Variants in PDE4D observed in about 807,000 individuals in gnomAD.
PDE4D encodes the protein phosphodiesterase 4D.
PDE4D carries 24 observed loss-of-function variants against 87.4 expected under a neutral mutation model. That is an observed-to-expected ratio of 0.27 (90% CI 0.20 to 0.39). The LOEUF is 0.39. PDE4D is among the 10% of genes least tolerant of loss of function. The pLI, the probability that PDE4D is intolerant of heterozygous loss-of-function variation, is 1.00. For missense variants in PDE4D, 714 were observed against 1,041.0 expected, an observed-to-expected ratio of 0.69 and a Z score of 4.32; for synonymous variants, 384 against 383.2, an observed-to-expected ratio of 1.00 and a Z score of -0.02.
chr5:59,188,590 T>C (rs1743461125), intron 3 of PDE4D, among the ~76,000 whole-genome samples: 1 of 152,106 alleles, frequency 6.6e-6, no homozygotes, highest in African/African-American at 2.4e-5. Flanking sequence ...GAGGATTGTT[T>C]TTCATAACCA....
At position 60,087,387 on chromosome 5, in the gene PDE4D, C is replaced by T. The variant is rs553125064; in HGVS notation, c.42+98170G>A. On this transcript the variant is annotated intron_variant, in intron 2 of 16. Transcript: ENST00000502484. Reference sequence around the variant, plus strand: ...GGAAATATGACACCACTCAAAGAAACCAACAAAACTCCAACAATAGACACA... The same window carrying T: ...GGAAATATGACACCACTCAAAGAAATCAACAAAACTCCAACAATAGACACA... 4.6e-5 allele frequency among the ~76,000 whole-genome samples: 7 copies of T among 152,230 alleles called. No homozygotes were observed. In the South Asian group the frequency reaches 1.2e-3, roughly 27 times the overall value.
At chr5:60,103,649 G>T (rs1776495325) in intron 2 of PDE4D, among the ~76,000 whole-genome samples, 1 of 152,040 alleles carries the variant, frequency 6.6e-6, no homozygotes, top group Non-Finnish European at 1.5e-5. Context: ...ATAAACCGAA[G>T]ACAAAACAGA....
chr5:59,284,120 T>C lies in PDE4D; in HGVS notation c.456-68152A>G, dbSNP rs575656947. On this transcript the variant is annotated intron_variant, in intron 1 of 14. Coordinates refer to ENST00000340635, the MANE Select transcript of PDE4D (RefSeq NM_001104631.2). ...CTGGCAGGATTATCTTTCTTTTCTT[T>C]TACCCCTCTTTTTGATCAAGAGTTA... 3.3e-5 allele frequency among the ~76,000 whole-genome samples: 5 copies of C among 152,316 alleles called. No individual in the cohort carries two copies. The South Asian group carries it at 6.2e-4, about 19-fold the overall frequency.
intron 3 of PDE4D, among the ~76,000 whole-genome samples, chr5:59,944,051 A>G (rs1757466787): frequency 6.6e-6 from 1 of 152,216 alleles, no homozygotes; most frequent in South Asian, 2.1e-4. Flanking sequence ...ATGAGGCACA[A>G]ACAGATCCTT....
intron 1 of PDE4D, among the ~76,000 whole-genome samples, chr5:59,685,696 T>C (rs1227498592): frequency 1.3e-5 from 2 of 151,992 alleles, no homozygotes; most frequent in African/African-American, 2.4e-5. Flanking sequence ...TTATTTAACA[T>C]AGCATTTTAT....
At chr5:60,451,756 G>A (rs778702286) in intron 1 of PDE4D, among the ~76,000 whole-genome samples, 16 of 151,932 alleles carry the variant, frequency 1.1e-4, no homozygotes, top group Non-Finnish European at 1.8e-4. Context: ...CTATGCTGCC[G>A]AACTCTCTAC....
chr5:59,844,305 T>C (rs1027213351), intron 1 of PDE4D, among the ~76,000 whole-genome samples: 1 of 152,124 alleles, frequency 6.6e-6, no homozygotes, highest in African/African-American at 2.4e-5. Context: ...CCCAGAGATA[T>C]CCATGGCTAA....
chr5:59,548,865 A>T (rs294486), intron 1 of PDE4D, among the ~76,000 whole-genome samples: 45 of 152,046 alleles, frequency 3.0e-4, no homozygotes, highest in African/African-American at 1.1e-3. Context: ...CTCCCATGAC[A>T]CCCCACTAGA....
intron 1 of PDE4D, among the ~76,000 whole-genome samples, chr5:59,253,716 G>A (rs906243005): frequency 2.6e-5 from 4 of 151,988 alleles, no homozygotes; most frequent in Non-Finnish European, 5.9e-5. Flanking sequence ...TTTAGGCAAA[G>A]TCAAGTTATT....
intron 1 of PDE4D, among the ~76,000 whole-genome samples, chr5:59,320,153 A>G (rs1774453632): frequency 6.6e-6 from 1 of 152,006 alleles, no homozygotes; most frequent in South Asian, 2.1e-4. Context: ...CCAAATGCAA[A>G]AAGTGTGTGT....
chr5:60,392,807 G>C (rs192514486), intron 1 of PDE4D, among the ~76,000 whole-genome samples: 2 of 152,196 alleles, frequency 1.3e-5, no homozygotes, highest in Admixed American at 6.5e-5. Flanking sequence ...TTCTTTAAAT[G>C]GGGAACACCG....
chr5:59,887,546 G>A (rs919784027), intron 1 of PDE4D, among the ~76,000 whole-genome samples: 1 of 152,186 alleles, frequency 6.6e-6, no homozygotes, highest in African/African-American at 2.4e-5. Context: ...TAAGCTGTGA[G>A]AGGGACATAA....
chr5:59,222,191 G>A (rs1039073588), intron 1 of PDE4D, among the ~76,000 whole-genome samples: 2 of 152,176 alleles, frequency 1.3e-5, no homozygotes, highest in African/African-American at 4.8e-5. Flanking sequence ...TGGTAATACA[G>A]TTCCAATCTA....
chr5:60,022,821 T>A (rs1399615498), intron 2 of PDE4D: 2 of 152,390 alleles, frequency 1.3e-5, no homozygotes, highest in Non-Finnish European at 2.9e-5. Flanking sequence ...GTCTCCCTGG[T>A]CCTCTAATTA....
At chr5:60,152,199 T>C (rs1781565889) in intron 2 of PDE4D, among the ~76,000 whole-genome samples, 1 of 152,188 alleles carries the variant, frequency 6.6e-6, no homozygotes, top group Non-Finnish European at 1.5e-5. Context: ...TTATCAGAAA[T>C]ATTTATCAGT....
At chr5:59,899,767 A>G (rs537995261) in intron 3 of PDE4D, among the ~76,000 whole-genome samples, 10 of 152,286 alleles carry the variant, frequency 6.6e-5, no homozygotes, top group African/African-American at 2.4e-4. Context: ...GTGCAAAGAC[A>G]TGGCAGCCAG....
At chr5:59,059,816 C>T (rs1762871217) in intron 5 of PDE4D, among the ~76,000 whole-genome samples, 1 of 152,062 alleles carries the variant, frequency 6.6e-6, no homozygotes, top group African/African-American at 2.4e-5. Flanking sequence ...GTGTTGCAGA[C>T]TGATATTAAA....
chr5:59,554,101 G>A (rs1818526437), intron 1 of PDE4D, among the ~76,000 whole-genome samples: 1 of 152,154 alleles, frequency 6.6e-6, no homozygotes, highest in South Asian at 2.1e-4. Flanking sequence ...GGATGGATGA[G>A]TTTGTAGGAA....
intron 1 of PDE4D, among the ~76,000 whole-genome samples, chr5:59,253,879 T>C (rs1760459957): frequency 6.6e-6 from 1 of 152,118 alleles, no homozygotes; most frequent in Admixed American, 6.6e-5. Flanking sequence ...AATAAATGCT[T>C]AATGAATACA....
Sources: gnomAD v4.1 joint callset for allele counts (sites outside exome capture counted in the v4.1 genomes callset) on GRCh38, gnomAD v4.1.1 for gene constraint, MANE v1.5 for transcripts, NCBI Gene and HGNC (gene_info 2026-07-23, HGNC 2026-07-21) for gene names.